TRPM3: variants seen among roughly 807,000 people sequenced by gnomAD.
TRPM3 encodes the protein transient receptor potential cation channel subfamily M member 3.
A neutral mutation model predicts 181.2 loss-of-function variants in TRPM3; 77 were observed. The ratio of observed to expected loss-of-function variants is 0.42; its 90% CI spans 0.35 to 0.51. TRPM3 has a LOEUF of 0.51. Among genes scored for constraint, TRPM3 ranks in the 20% least tolerant of loss-of-function variants. TRPM3 has a pLI of 0.01. For missense variants in TRPM3, 1,759 were observed against 2,196.7 expected (o/e 0.80, Z 3.98); for synonymous variants, 745 against 796.4 (o/e 0.94, Z 1.09).
chr9:71,388,429 C>T (rs1218765122), intron 1 of TRPM3, among the ~76,000 whole-genome samples: 2 of 152,104 alleles, frequency 1.3e-5, no homozygotes, highest in African/African-American at 4.8e-5. Flanking sequence ...CCCCACAAAA[C>T]TTCTGAGACG....
At chr9:71,052,748 G>A (rs1443381222) in intron 1 of TRPM3, among the ~76,000 whole-genome samples, 1 of 151,796 alleles carries the variant, frequency 6.6e-6, no homozygotes, top group Non-Finnish European at 1.5e-5. Flanking sequence ...TACATCCCTA[G>A]GTATCTAGGA....
chr9:70,860,547 A>G (rs1433525676), intron 3 of TRPM3, among the ~76,000 whole-genome samples: 1 of 152,168 alleles, frequency 6.6e-6, no homozygotes, highest in African/African-American at 2.4e-5. Flanking sequence ...AAACTGTCAC[A>G]AAGCCCATTA....
chr9:70,823,120 G>T (rs1316358905), intron 6 of TRPM3, among the ~76,000 whole-genome samples: 1 of 151,894 alleles, frequency 6.6e-6, no homozygotes, highest in East Asian at 1.9e-4. Context: ...GGCTTCCCCT[G>T]CAGTGCTCCC....
chr9:70,919,046 A>T (rs1364206987), intron 1 of TRPM3, among the ~76,000 whole-genome samples: 2 of 152,078 alleles, frequency 1.3e-5, no homozygotes, highest in Non-Finnish European at 2.9e-5. Context: ...TACTCATTAC[A>T]TCCTAATAGA....
At chr9:71,318,416 A>T (rs1366405196) in intron 1 of TRPM3, among the ~76,000 whole-genome samples, 1 of 152,188 alleles carries the variant, frequency 6.6e-6, no homozygotes, top group Admixed American at 6.5e-5. Flanking sequence ...GCACATAATT[A>T]AAAAACAACA....
chr9:71,149,983 T>C (rs2075643635), intron 1 of TRPM3, among the ~76,000 whole-genome samples: 1 of 151,524 alleles, frequency 6.6e-6, no homozygotes, highest in African/African-American at 2.4e-5. Context: ...CAAATATATA[T>C]AAACATATAA....
At chr9:70,939,266 T>TA (rs557722442) in intron 1 of TRPM3, among the ~76,000 whole-genome samples, 78 of 152,342 alleles carry the variant, frequency 5.1e-4, no homozygotes, top group African/African-American at 1.8e-3. Flanking sequence ...GTTATTGTCT[T>TA]TATTTATGAC....
chr9:71,308,540 T>G (rs944776101), intron 1 of TRPM3, among the ~76,000 whole-genome samples: 2 of 152,188 alleles, frequency 1.3e-5, no homozygotes, highest in Non-Finnish European at 2.9e-5. Context: ...AAGATAGTAT[T>G]TAACACTCTT....
At chr9:71,118,928 T>C (rs1317134483) in intron 1 of TRPM3, among the ~76,000 whole-genome samples, 1 of 152,134 alleles carries the variant, frequency 6.6e-6, no homozygotes, top group African/African-American at 2.4e-5. Context: ...AAATTATTAT[T>C]CATGAACTTA....
At chr9:71,254,259 G>A (rs1175810855) in intron 1 of TRPM3, among the ~76,000 whole-genome samples, 1 of 152,110 alleles carries the variant, frequency 6.6e-6, no homozygotes, top group African/African-American at 2.4e-5. Context: ...GCGCAGAAAG[G>A]TAAATACCAT....
intron 6 of TRPM3, among the ~76,000 whole-genome samples, chr9:70,821,348 C>G (rs1250802360): frequency 6.6e-6 from 1 of 152,082 alleles, no homozygotes; most frequent in Non-Finnish European, 1.5e-5. Context: ...TGGCCCAGGG[C>G]TGATAAATAT....
At chr9:71,108,966 A>G (rs1565214121) in intron 1 of TRPM3, among the ~76,000 whole-genome samples, 1 of 152,164 alleles carries the variant, frequency 6.6e-6, no homozygotes, top group Non-Finnish European at 1.5e-5. Flanking sequence ...ACATTGAGTA[A>G]AGCAGATTAC....
At position 70,753,503 on chromosome 9, in the gene TRPM3, C is replaced by T. The variant is rs192848709; in HGVS notation, c.1272+8098G>A. Among the ~76,000 whole-genome samples, 142 of 152,148 alleles carry T rather than the reference C, an allele frequency of 9.3e-4. 1 individual carries two copies. The highest frequency in any genetic ancestry group is 8.8e-5 in the Non-Finnish European group (6 of 68,000). On this transcript the variant is annotated intron_variant, in intron 8 of 25. Transcript: ENST00000677713. ...GAATGACTCAGCTTTGGGAGTGGTA[C>T]GAGAAGCATCAGGCACATAGAATAG...
chr9:70,753,815 A>G (rs1456243590), intron 8 of TRPM3, among the ~76,000 whole-genome samples: 3 of 145,972 alleles, frequency 2.1e-5, no homozygotes, highest in Non-Finnish European at 2.9e-5. Flanking sequence ...TGGAGGCATG[A>G]TTCCCAGGTG....
At chr9:71,142,924 G>C (rs2075199546) in intron 1 of TRPM3, among the ~76,000 whole-genome samples, 1 of 149,716 alleles carries the variant, frequency 6.7e-6, no homozygotes, top group African/African-American at 2.5e-5. Flanking sequence ...ACCATCCTGG[G>C]AACCATAGGG....
chr9:71,184,363 T>C (rs2077563425), intron 1 of TRPM3, among the ~76,000 whole-genome samples: 1 of 152,108 alleles, frequency 6.6e-6, no homozygotes, highest in Admixed American at 6.6e-5. Context: ...TTTCTCTCTA[T>C]AGGAAAGGAG....
chr9:71,176,112 C>A (rs1423779515), intron 1 of TRPM3, among the ~76,000 whole-genome samples: 1 of 152,150 alleles, frequency 6.6e-6, no homozygotes, highest in African/African-American at 2.4e-5. Context: ...TATGCATATA[C>A]TGTACTTTTA....
intron 1 of TRPM3, among the ~76,000 whole-genome samples, chr9:71,120,849 A>C (rs10868951): frequency 0.32 from 48,233 of 152,024 alleles, 8,665 homozygotes; most frequent in Middle Eastern, 0.4. Context: ...TCCCACTACT[A>C]TTCCCACCCT....
At chr9:70,581,129 T>A (rs2055532676) in intron 22 of TRPM3, among the ~76,000 whole-genome samples, 1 of 152,212 alleles carries the variant, frequency 6.6e-6, no homozygotes, top group African/African-American at 2.4e-5. Context: ...AAAACATATA[T>A]GTCCAGTGTA....
Sources: gnomAD v4.1 joint callset for allele counts (sites outside exome capture counted in the v4.1 genomes callset) on GRCh38, gnomAD v4.1.1 for gene constraint, MANE v1.5 for transcripts, NCBI Gene and HGNC (gene_info 2026-07-23, HGNC 2026-07-21) for gene names.